The following PTPRQ variants were observed in gnomAD, a reference collection of about 807,000 sequenced individuals.
The protein encoded by PTPRQ is protein tyrosine phosphatase receptor type Q.
Under a neutral mutation model 246.0 loss-of-function variants are expected in PTPRQ, and 199 were observed. The ratio of observed to expected loss-of-function variants is 0.81; its 90% CI spans 0.72 to 0.91. The LOEUF (loss-of-function observed/expected upper bound fraction) is 0.91. Ranked by LOEUF, PTPRQ falls within the 40% of genes least tolerant of loss-of-function variation. The pLI is 0.00. For missense variants in PTPRQ, 2,624 were observed against 2,528.4 expected (o/e 1.04, Z -0.81); for synonymous variants, 869 against 853.2 (o/e 1.02, Z -0.32).
intron 35 of PTPRQ, among the ~76,000 whole-genome samples, chr12:80,642,700 C>A (rs998551043): frequency 6.6e-6 from 1 of 151,478 alleles, no homozygotes; most frequent in Non-Finnish European, 1.5e-5. Flanking sequence ...GCGGGCGGAT[C>A]ACGAGGTCAG....
chr12:80,584,982 A>AAT (rs36023309), intron 25 of PTPRQ, among the ~76,000 whole-genome samples: 6,036 of 148,798 alleles, frequency 0.041, 179 homozygotes, highest in African/African-American at 0.071. Flanking sequence ...AGTTTTGGTA[A>AAT]ATATATATAT....
chr12:80,674,900 T>C (rs917522721), intron 43 of PTPRQ, among the ~76,000 whole-genome samples: 11 of 152,296 alleles, frequency 7.2e-5, no homozygotes, highest in African/African-American at 2.4e-4. Flanking sequence ...TACAAGAGTA[T>C]TCCAGGAGTA....
chr12:80,663,846 T>A (rs1900705633), intron 39 of PTPRQ, among the ~76,000 whole-genome samples: 1 of 151,914 alleles, frequency 6.6e-6, no homozygotes, highest in African/African-American at 2.4e-5. Context: ...CAAATCCTTC[T>A]TTCCAGATCA....
intron 8 of PTPRQ, among the ~76,000 whole-genome samples, chr12:80,480,859 C>A (rs535875415): frequency 7.2e-5 from 11 of 152,244 alleles, no homozygotes; most frequent in South Asian, 4.1e-4. Context: ...CAATAACAGG[C>A]TCTGAAATTG....
intron 26 of PTPRQ, among the ~76,000 whole-genome samples, chr12:80,601,745 T>A (rs898345072): frequency 5.9e-5 from 9 of 151,684 alleles, no homozygotes; most frequent in African/African-American, 2.2e-4. Context: ...GAGAGGCCAT[T>A]GAAACCCACA....
intron 8 of PTPRQ, among the ~76,000 whole-genome samples, chr12:80,482,317 G>GC (rs1447443536): frequency 2.6e-5 from 4 of 151,764 alleles, no homozygotes; most frequent in African/African-American, 9.7e-5. Flanking sequence ...AAACTGGCTA[G>GC]CCATATGTAG....
rs1160644107 is a variant in PTPRQ at position 80,510,362 on chromosome 12, T to G, written c.2597T>G (p.Leu866Trp). Residue 866 changes from leucine (L) to tryptophan (W), a missense_variant, in exon 17 of 45, where the codon TTG becomes TGG. Transcript: ENST00000644991. ...CCTCAAGACTTCTCTGTAAAACAGT[T>G]GTCTGGTGTCACGGTGAAGTTGTCA... ...SPPQDFSVKQ[L>W]SGVTVKLSWQ... 2.6e-6 allele frequency: 4 copies of G among 1,550,294 alleles called. No homozygotes were observed. The highest frequency in any genetic ancestry group is 3.5e-6 in the Non-Finnish European group (4 of 1,146,126).
chr12:80,609,583 A>G (rs1324476521), intron 27 of PTPRQ, among the ~76,000 whole-genome samples: 1 of 150,628 alleles, frequency 6.6e-6, no homozygotes, highest in Non-Finnish European at 1.5e-5. Context: ...GAACCTCCAT[A>G]AAGGACAGAC....
At chr12:80,528,617 T>A (rs1895759409) in intron 17 of PTPRQ, among the ~76,000 whole-genome samples, 1 of 152,110 alleles carries the variant, frequency 6.6e-6, no homozygotes, top group African/African-American at 2.4e-5. Flanking sequence ...ATCTCACTCA[T>A]CTCATTCAAA....
chr12:80,580,468 T>C (rs1897398998), intron 25 of PTPRQ, among the ~76,000 whole-genome samples: 1 of 152,288 alleles, frequency 6.6e-6, no homozygotes, highest in African/African-American at 2.4e-5. Flanking sequence ...AATCTGATTC[T>C]CCATGCTGAA....
At chr12:80,551,668 C>G (rs1393775718) in intron 25 of PTPRQ, among the ~76,000 whole-genome samples, 1 of 152,098 alleles carries the variant, frequency 6.6e-6, no homozygotes, top group Non-Finnish European at 1.5e-5. Flanking sequence ...TTTGCTCATT[C>G]TCATTGTCTA....
intron 3 of PTPRQ, among the ~76,000 whole-genome samples, chr12:80,453,277 T>G (rs1892840346): frequency 6.6e-6 from 1 of 152,218 alleles, no homozygotes. Context: ...CTACATTTTT[T>G]TCATAGTTTT....
At chr12:80,541,186 A>G (rs1300576056) in intron 20 of PTPRQ, among the ~76,000 whole-genome samples, 1 of 152,102 alleles carries the variant, frequency 6.6e-6, no homozygotes, top group African/African-American at 2.4e-5. Flanking sequence ...TTTAGAAGAA[A>G]TAAGCTAAAA....
At chr12:80,588,550 C>T (rs1897692727) in intron 26 of PTPRQ, 98 bp downstream of exon 26, 3 of 1,232,740 alleles carry the variant, frequency 2.4e-6, no homozygotes, top group South Asian at 3.4e-5. Context: ...TGTAAAATCA[C>T]TGAACATAGA....
At chr12:80,539,020 A>G (rs1565773040) in intron 19 of PTPRQ, among the ~76,000 whole-genome samples, 1 of 152,184 alleles carries the variant, frequency 6.6e-6, no homozygotes, top group Non-Finnish European at 1.5e-5. Context: ...AAAATTATTC[A>G]TACTGATTAG....
intron 43 of PTPRQ, among the ~76,000 whole-genome samples, chr12:80,676,752 T>C (rs764455018): frequency 4.6e-5 from 7 of 152,136 alleles, no homozygotes; most frequent in Non-Finnish European, 1.0e-4. Context: ...ATACTTTTAG[T>C]GCCTCAAGGA....
At position 80,546,702 on chromosome 12, in the gene PTPRQ, G is replaced by C; in HGVS notation, c.4015+5G>C. 1.9e-6 allele frequency: 3 copies of C among 1,545,956 alleles called. No homozygotes were observed. The highest frequency in any genetic ancestry group is 1.7e-4 in the Middle Eastern group (1 of 5,980). The stretch of plus-strand genomic sequence containing the variant: ...AATTCACAACCCAAGAATCAGGTTA[G>C]ATACAGTTTTTGAGCCTAAAATGTT... On this transcript the variant is annotated splice_donor_5th_base_variant and intron_variant, in intron 24 of 44. Transcript: ENST00000644991.
At chr12:80,599,209 G>A (rs1051824790) in intron 26 of PTPRQ, among the ~76,000 whole-genome samples, 2 of 151,942 alleles carry the variant, frequency 1.3e-5, no homozygotes, top group Admixed American at 6.6e-5. Flanking sequence ...AGGAAATGAT[G>A]GTTGTTAGTT....
At chr12:80,649,802 A>G in intron 37 of PTPRQ, 133 bp downstream of exon 37, 1 of 1,308,050 alleles carries the variant, frequency 7.6e-7, no homozygotes, top group Non-Finnish European at 1.0e-6. Flanking sequence ...TACCAGGTTG[A>G]TTGTTTTGAT....
Sources: gnomAD v4.1 joint callset for allele counts (sites outside exome capture counted in the v4.1 genomes callset) on GRCh38, gnomAD v4.1.1 for gene constraint, MANE v1.5 for transcripts, NCBI Gene and HGNC (gene_info 2026-07-23, HGNC 2026-07-21) for gene names.